The following NLGN3 variants were observed in gnomAD, a reference collection of about 807,000 sequenced individuals.
The protein encoded by NLGN3 is neuroligin-3.
Under a neutral mutation model 42.9 loss-of-function variants are expected in NLGN3, and 11 were observed. The ratio of observed to expected loss-of-function variants is 0.26; its 90% CI spans 0.16 to 0.42. NLGN3 has a LOEUF of 0.42. Among genes scored for constraint, NLGN3 ranks in the 10% least tolerant of loss-of-function variants. The pLI, the probability that NLGN3 is intolerant of heterozygous loss-of-function variation, is 1.00. For synonymous variants in NLGN3, 279 were observed against 312.7 expected (o/e 0.89, Z 1.14); for missense variants, 374 against 733.8 (o/e 0.51, Z 5.67).
chrX:71,163,190 A>G (rs967028902), intron 5 of NLGN3, among the ~76,000 whole-genome samples: 6 of 110,674 alleles, frequency 5.4e-5, no homozygotes, highest in Non-Finnish European at 1.1e-4. Flanking sequence ...CTCCATGGTG[A>G]CATGTCTCCT....
chrX:71,171,262 T>A (rs1283206478), downstream of NLGN3: 2 of 721,961 alleles, frequency 2.8e-6, no homozygotes, highest in Non-Finnish European at 3.2e-6. Flanking sequence ...CTCTGCGGGC[T>A]GGGAATCAGG....
intron 2 of NLGN3, among the ~76,000 whole-genome samples, chrX:71,148,487 G>T (rs2092379412): frequency 1.8e-5 from 2 of 110,999 alleles, no homozygotes; most frequent in Admixed American, 9.5e-5. Context: ...TCCCCTGGGG[G>T]AGTATGGGTC....
chrX:71,158,062 TTTAATTAATTAATTAA>T (rs576978048), intron 5 of NLGN3, among the ~76,000 whole-genome samples: 2 of 108,438 alleles, frequency 1.8e-5, no homozygotes, highest in African/African-American at 6.7e-5. Flanking sequence ...ACTTTCTTTT[TTTAATTAATTAATTAA>T]TTAATTAATT....
chrX:71,153,867 C>G (rs1280493699), intron 4 of NLGN3, among the ~76,000 whole-genome samples: 5 of 112,038 alleles, frequency 4.5e-5, no homozygotes, highest in African/African-American at 1.6e-4. Context: ...AGCAGGACCA[C>G]TGAGGGCGGG....
intron 7 of NLGN3, among the ~76,000 whole-genome samples, chrX:71,168,847 A>AAG (rs1392313880): frequency 1.1e-5 from 1 of 90,030 alleles, no homozygotes; most frequent in Non-Finnish European, 2.0e-5. Context: ...GAAAGAAAGA[A>AAG]AGAAAGAAAG....
intron 6 of NLGN3, among the ~76,000 whole-genome samples, chrX:71,166,512 C>T (rs1235366379): frequency 2.7e-5 from 3 of 111,244 alleles, no homozygotes; most frequent in African/African-American, 9.8e-5. Flanking sequence ...AGCACAGGTT[C>T]CCTGGAGACT....
downstream of NLGN3, among the ~76,000 whole-genome samples, chrX:71,172,624 A>ATGTGTG (rs2092472971): frequency 3.9e-5 from 3 of 76,767 alleles, no homozygotes; most frequent in African/African-American, 2.8e-4. Flanking sequence ...GTGTGTGTGC[A>ATGTGTG]TGCGTGTGTG....
At chrX:71,150,058 A>G (rs768553021) in intron 3 of NLGN3, among the ~76,000 whole-genome samples, 1 of 111,236 alleles carries the variant, frequency 9.0e-6, no homozygotes, top group Non-Finnish European at 1.9e-5. Flanking sequence ...CTGGAAATCT[A>G]TATGTTGAAC....
chrX:71,157,389 T>C (rs1044510877), intron 5 of NLGN3, among the ~76,000 whole-genome samples: 4 of 110,254 alleles, frequency 3.6e-5, no homozygotes, highest in Non-Finnish European at 3.8e-5. Flanking sequence ...AATGGCACCA[T>C]CTTGGCTCAC....
chrX:71,166,740 T>C (rs965605106), intron 6 of NLGN3, among the ~76,000 whole-genome samples: 1 of 111,809 alleles, frequency 8.9e-6, no homozygotes, highest in Non-Finnish European at 1.9e-5. Context: ...AGGGGGCTGA[T>C]GTCTGGGATT....
At position 71,157,874 on chromosome X, in the gene NLGN3, C is replaced by G. The variant is rs189366431; in HGVS notation, c.727+2511C>G. 1.7e-3 allele frequency among the ~76,000 whole-genome samples: 185 copies of G among 109,370 alleles called. 2 individuals carry two copies. The highest frequency in any genetic ancestry group is 6.0e-3 in the African/African-American group (180 of 30,004). 95.0% of individuals were successfully genotyped at this position (109,370 alleles called of 115,157 possible). On this transcript the variant is annotated intron_variant, in intron 5 of 7. Coordinates refer to ENST00000358741, the MANE Select transcript of NLGN3 (RefSeq NM_181303.2). ...GAATATGGAGCATGCAGGCCATTCA[C>G]GCTGGCCTCCCCACGGTCTGGTAGG...
At chrX:71,155,066 A>G in intron 4 of NLGN3, 148 bp from the exon 5 acceptor site, 2 of 605,553 alleles carry the variant, frequency 3.3e-6, no homozygotes, top group Non-Finnish European at 5.4e-6. Context: ...CTCCAGGTTG[A>G]GCAACCCCAT....
At chrX:71,168,821 A>AAAAGAAAGAAAGAAAGAAAG (rs201934142) in intron 7 of NLGN3, among the ~76,000 whole-genome samples, 109 of 69,355 alleles carry the variant, frequency 1.6e-3, no homozygotes, top group East Asian at 3.4e-3. Context: ...AGAGAAAAAA[A>AAAAGAAAGAAAGAAAGAAAG]AAAGAAAGAA....
downstream of NLGN3, among the ~76,000 whole-genome samples, chrX:71,173,598 T>C (rs1346486926): frequency 1.8e-5 from 2 of 112,607 alleles, no homozygotes; most frequent in Non-Finnish European, 3.7e-5. Flanking sequence ...ATTTTAGTCC[T>C]TTAAGGAGTT....
intron 7 of NLGN3, among the ~76,000 whole-genome samples, chrX:71,168,861 G>C (rs2092459276): frequency 1.2e-5 from 1 of 86,420 alleles, no homozygotes; most frequent in African/African-American, 6.1e-5. Flanking sequence ...AAGAAAGAAA[G>C]AAAGAAAGAG....
Position 71,155,308 on chromosome X carries a change from C to T in NLGN3, c.672C>T (p.Leu224=), listed in dbSNP as rs1384560120. ...GTGNMIDGSI[L]ASYGNVIVIT... is the part of the protein sequence containing the mutation. ...GCAACATGATTGATGGCAGCATCCT[C>T]GCCAGTTATGGCAATGTCATCGTCA... The change falls in exon 5 of 8, where the codon CTC becomes CTT. Residue 224 remains leucine, a synonymous_variant. Transcript: ENST00000358741. 8 of 1,210,810 alleles carry T rather than the reference C, an allele frequency of 6.6e-6. No individual in the cohort carries two copies. Among genetic ancestry groups the T allele is most frequent in the African/African-American group, 3.5e-5 (2 of 57,442 alleles).
intron 3 of NLGN3, among the ~76,000 whole-genome samples, chrX:71,151,980 A>G (rs1401331151): frequency 1.8e-5 from 2 of 111,979 alleles, no homozygotes; most frequent in East Asian, 5.6e-4. Context: ...AGCCAGAGGC[A>G]ATTTCTCCCC....
chrX:71,155,166 G>A (rs1402332352), intron 4 of NLGN3, 48 bp from the exon 5 acceptor site: 1 of 1,203,470 alleles, frequency 8.3e-7, no homozygotes, highest in Non-Finnish European at 1.1e-6. Flanking sequence ...AGGGGTGGGG[G>A]AGCAAGGGCA....
downstream of NLGN3, chrX:71,171,667 G>T (rs923294885): frequency 1.2e-5 from 9 of 751,440 alleles, no homozygotes; most frequent in Non-Finnish European, 1.4e-5. Flanking sequence ...AGCGTCAGAC[G>T]TGGACTCCCT....
Sources: allele counts gnomAD v4.1 joint callset (sites outside exome capture counted in the v4.1 genomes callset), GRCh38; gene constraint gnomAD v4.1.1; transcripts MANE v1.5; gene names NCBI Gene and HGNC (gene_info 2026-07-23, HGNC 2026-07-21).